TRERF1: variants seen among roughly 807,000 people sequenced by gnomAD.
TRERF1 encodes transcriptional regulating factor 1, also known as transcriptional-regulating factor 1.
TRERF1 carries 27 observed loss-of-function variants against 122.9 expected under a neutral mutation model. The observed-to-expected ratio is 0.22, with a 90% CI of 0.16 to 0.30. The LOEUF (loss-of-function observed/expected upper bound fraction) is 0.30. TRERF1 is among the 10% of genes least tolerant of loss of function. The pLI is 1.00. For missense variants in TRERF1, 1,248 were observed against 1,560.3 expected (o/e 0.80, Z 3.37); for synonymous variants, 636 against 641.7 (o/e 0.99, Z 0.13).
intron 3 of TRERF1, among the ~76,000 whole-genome samples, chr6:42,315,326 A>G (rs187794191): frequency 3.3e-4 from 50 of 152,330 alleles, no homozygotes; most frequent in Admixed American, 2.3e-3. Context: ...CAATAGCACT[A>G]AGGTTGACAA....
intron 3 of TRERF1, among the ~76,000 whole-genome samples, chr6:42,301,789 G>A (rs1393336824): frequency 2.0e-5 from 3 of 152,218 alleles, no homozygotes; most frequent in Non-Finnish European, 4.4e-5. Context: ...CTGAGTAGCA[G>A]CATTGCTATA....
Position 42,269,810 on chromosome 6 carries a change from A to G in TRERF1, c.-220T>C. On this transcript the variant is annotated 5_prime_UTR_variant, in exon 5 of 18. Coordinates refer to ENST00000372922, the Ensembl canonical transcript of TRERF1. The surrounding 1 kb of genome is among the most constrained non-coding windows in gnomAD (Gnocchi z 4.9). Reference sequence around the variant, plus strand: ...CACATCCTCTCCCTGGCTGAGGTATAGACCACACAGCACTGTGGTGAGGAG... The same window carrying G: ...CACATCCTCTCCCTGGCTGAGGTATGGACCACACAGCACTGTGGTGAGGAG... 1.5e-6 allele frequency: 2 copies of G among 1,320,366 alleles called. No individual in the cohort carries two copies. The highest frequency in any genetic ancestry group is 2.0e-6 in the Non-Finnish European group (2 of 999,072). 81.8% of individuals were successfully genotyped at this position (1,320,366 alleles called of 1,614,324 possible).
intron 2 of TRERF1, among the ~76,000 whole-genome samples, chr6:42,413,096 C>T (rs553130161): frequency 3.9e-5 from 6 of 152,312 alleles, no homozygotes; most frequent in African/African-American, 1.2e-4. Context: ...TCTACCCTCT[C>T]GGACCATCTA....
At chr6:42,323,879 G>C (rs1763870112) in intron 3 of TRERF1, among the ~76,000 whole-genome samples, 1 of 152,200 alleles carries the variant, frequency 6.6e-6, no homozygotes, top group African/African-American at 2.4e-5. Flanking sequence ...TGCCAGGCCA[G>C]GGTAGTGCAA....
intron 13 of TRERF1, among the ~76,000 whole-genome samples, chr6:42,246,918 C>T (rs895246687): frequency 9.2e-5 from 14 of 152,310 alleles, no homozygotes; most frequent in Middle Eastern, 3.4e-3. Context: ...ACAGTTTTAA[C>T]GTAATTATCA....
intron 4 of TRERF1, among the ~76,000 whole-genome samples, chr6:42,286,792 G>A (rs1310831975): frequency 3.8e-5 from 5 of 131,718 alleles, no homozygotes; most frequent in Non-Finnish European, 8.1e-5. Context: ...CCATTACTGG[G>A]TATATACCCA....
At chr6:42,338,010 CAG>C (rs969204913) in intron 3 of TRERF1, among the ~76,000 whole-genome samples, 6 of 152,174 alleles carry the variant, frequency 3.9e-5, no homozygotes, top group Non-Finnish European at 5.9e-5. Context: ...CCTCCTGAAA[CAG>C]AGTCTGGATT....
At chr6:42,340,703 C>A (rs1475931215) in intron 3 of TRERF1, among the ~76,000 whole-genome samples, 1 of 152,168 alleles carries the variant, frequency 6.6e-6, no homozygotes, top group Non-Finnish European at 1.5e-5. Context: ...TAGGCTCAAG[C>A]GATCCTCCCA....
chr6:42,415,135 CT>C (rs1361768802), intron 2 of TRERF1, among the ~76,000 whole-genome samples: 1 of 152,086 alleles, frequency 6.6e-6, no homozygotes, highest in African/African-American at 2.4e-5. Flanking sequence ...CTGATTTGTA[CT>C]TTTTATTATA....
chr6:42,285,273 GCTCT>G (rs1282414019), intron 4 of TRERF1, among the ~76,000 whole-genome samples: 1 of 151,872 alleles, frequency 6.6e-6, no homozygotes, highest in African/African-American at 2.4e-5. Flanking sequence ...TCATGATTTG[GCTCT>G]CTGTTTGTCT....
intron 3 of TRERF1, among the ~76,000 whole-genome samples, chr6:42,331,877 G>C (rs539079775): frequency 6.6e-6 from 1 of 152,216 alleles, no homozygotes; most frequent in Non-Finnish European, 1.5e-5. Flanking sequence ...CTGCCCCAAA[G>C]AGTTAGGAAT....
chr6:42,288,953 CTGTGTGTGTGTGTGTG>C lies in TRERF1; in HGVS notation c.-259+11669_-259+11684del, dbSNP rs3074800. On this transcript the variant is annotated intron_variant, in intron 4 of 17. Transcript: ENST00000372922. ...GGAAACCATTAAAGTATCTTGAACT[CTGTGTGTGTGTGTGTG>C]TGTGTGTGTGTGTGTGTGTGTGTGT... Among the ~76,000 whole-genome samples, 14 of 144,418 alleles carry C rather than the reference CTGTGTGTGTGTGTGTG, an allele frequency of 9.7e-5. No individual in the cohort carries two copies. In the South Asian group the frequency reaches 1.1e-3, roughly 12 times the overall value. 94.7% of individuals were successfully genotyped at this position (144,418 alleles called of 152,430 possible). A position where few individuals can be genotyped will look rare whatever the true frequency, so the allele number is the denominator to read the frequency against.
At position 42,265,861 on chromosome 6, in the gene TRERF1, A is replaced by G. The variant is rs75701593; in HGVS notation, c.1438-64T>C. The G allele has an allele frequency of 2.2e-3, 3,418 of 1,559,054 alleles. 74 individuals are homozygous for G. In the African/African-American group the frequency reaches 0.039, roughly 18 times the overall value. On this transcript the variant is annotated intron_variant, in intron 5 of 17. Coordinates refer to ENST00000372922, the Ensembl canonical transcript of TRERF1. Reference sequence around the variant, plus strand: ...GAAAAAAACGTGTTCTGAAGGGAGAAGTCCTCGAGCAGTGGGAACACCAGG... The same window carrying G: ...GAAAAAAACGTGTTCTGAAGGGAGAGGTCCTCGAGCAGTGGGAACACCAGG...
chr6:42,356,692 A>G (rs972604371), intron 3 of TRERF1, among the ~76,000 whole-genome samples: 35 of 152,052 alleles, frequency 2.3e-4, no homozygotes, highest in African/African-American at 8.5e-4. Context: ...CTCTTGCCTC[A>G]GCCTCCCGAG....
Position 42,401,106 on chromosome 6 carries a change from G to A in TRERF1, c.-453-38027C>T, listed in dbSNP as rs762727937. 5.9e-5 allele frequency among the ~76,000 whole-genome samples: 9 copies of A among 152,358 alleles called. No individual in the cohort carries two copies. The South Asian group carries it at 6.2e-4, about 11-fold the overall frequency. ...GCCAATCATTTGAGAAGCCTTTGAA[G>A]AGGAGGGCACAGGCCACAGAGGGTG... On this transcript the variant is annotated intron_variant, in intron 2 of 17. Coordinates refer to ENST00000372922, the Ensembl canonical transcript of TRERF1.
chr6:42,369,278 C>G (rs1246563303), intron 2 of TRERF1, among the ~76,000 whole-genome samples: 1 of 152,054 alleles, frequency 6.6e-6, no homozygotes, highest in African/African-American at 2.4e-5. Flanking sequence ...GGTGAAACCC[C>G]GTCTCTACTA....
At chr6:42,381,560 G>A (rs933057468) in intron 2 of TRERF1, among the ~76,000 whole-genome samples, 6 of 151,982 alleles carry the variant, frequency 3.9e-5, no homozygotes, top group African/African-American at 9.7e-5. Flanking sequence ...TGACTGTGGT[G>A]AGGCTGAGCT....
intron 2 of TRERF1, among the ~76,000 whole-genome samples, chr6:42,407,712 T>C (rs909430479): frequency 6.6e-6 from 1 of 151,626 alleles, no homozygotes; most frequent in Non-Finnish European, 1.5e-5. Flanking sequence ...ATTTCCCCCC[T>C]CCTTTCTTCT....
chr6:42,360,526 T>C (rs1257292824), intron 3 of TRERF1, among the ~76,000 whole-genome samples: 1 of 152,160 alleles, frequency 6.6e-6, no homozygotes, highest in African/African-American at 2.4e-5. Flanking sequence ...CTAGTTAAGG[T>C]TGAGTGTCCT....
Sources: allele counts gnomAD v4.1 joint callset (sites outside exome capture counted in the v4.1 genomes callset), GRCh38; gene constraint gnomAD v4.1.1; non-coding constraint Gnocchi (gnomAD v3.1); transcripts MANE v1.5; gene names NCBI Gene and HGNC (gene_info 2026-07-23, HGNC 2026-07-21).